ZRANB3: variants seen among roughly 807,000 people sequenced by gnomAD.
The protein encoded by ZRANB3 is zinc finger RANBP2-type containing 3.
In ZRANB3, 125 loss-of-function variants were observed where a neutral mutation model predicts 133.8. The observed-to-expected ratio is 0.93, with a 90% CI of 0.81 to 1.08. The LOEUF is 1.08. ZRANB3 is among the 50% of genes least tolerant of loss of function. The pLI is 0.00. For synonymous variants in ZRANB3, 387 were observed against 432.7 expected (o/e 0.89, Z 1.31); for missense variants, 1,229 against 1,275.5 (o/e 0.96, Z 0.56).
At chr2:135,402,101 A>G (rs1687759023) in intron 2 of ZRANB3, among the ~76,000 whole-genome samples, 1 of 151,878 alleles carries the variant, frequency 6.6e-6, no homozygotes, top group Non-Finnish European at 1.5e-5. Flanking sequence ...TGGTGTGTAC[A>G]TATTTAACAT....
chr2:135,413,299 C>T (rs1487279257), intron 2 of ZRANB3, among the ~76,000 whole-genome samples: 1 of 152,102 alleles, frequency 6.6e-6, no homozygotes, highest in East Asian at 1.9e-4. Context: ...CCCTCTCTTA[C>T]GTGTTATGTG....
intron 8 of ZRANB3, among the ~76,000 whole-genome samples, chr2:135,293,764 A>C (rs1048908752): frequency 8.7e-5 from 13 of 149,930 alleles, no homozygotes; most frequent in East Asian, 3.9e-4. Flanking sequence ...TTTTGAGATA[A>C]ATCCCATCAA....
chr2:135,489,775 G>A (rs1692294225), intron 2 of ZRANB3, among the ~76,000 whole-genome samples: 1 of 151,630 alleles, frequency 6.6e-6, no homozygotes, highest in South Asian at 2.1e-4. Context: ...AAAAAAAAGG[G>A]TTTTGGAGAA....
At chr2:135,367,743 T>G (rs1686002904) in intron 3 of ZRANB3, among the ~76,000 whole-genome samples, 1 of 152,154 alleles carries the variant, frequency 6.6e-6, no homozygotes, top group Non-Finnish European at 1.5e-5. Context: ...AATGTCACCA[T>G]GATCTCCAGG....
At chr2:135,383,966 T>C (rs1490709627) in intron 3 of ZRANB3, among the ~76,000 whole-genome samples, 1 of 152,078 alleles carries the variant, frequency 6.6e-6, no homozygotes, top group Non-Finnish European at 1.5e-5. Flanking sequence ...ATTCAAAAGC[T>C]AGCAGAAGGC....
intron 12 of ZRANB3, among the ~76,000 whole-genome samples, chr2:135,235,081 G>A (rs915419612): frequency 2.6e-5 from 4 of 151,830 alleles, no homozygotes; most frequent in African/African-American, 7.3e-5. Context: ...TCAAATAGAC[G>A]CAATAAAAAA....
intron 2 of ZRANB3, among the ~76,000 whole-genome samples, chr2:135,489,366 A>T (rs1319252825): frequency 6.7e-6 from 1 of 150,160 alleles, no homozygotes; most frequent in East Asian, 2.0e-4. Context: ...CTAAATGATG[A>T]GTTAATGGGT....
intron 2 of ZRANB3, among the ~76,000 whole-genome samples, chr2:135,416,029 T>G (rs1688556315): frequency 6.6e-6 from 1 of 151,972 alleles, no homozygotes; most frequent in Non-Finnish European, 1.5e-5. Context: ...CTGGAAGCAT[T>G]CCCTTTGAAA....
chr2:135,520,554 AGGCATCTGCCACCACACCT>A lies in ZRANB3; in HGVS notation c.-8+10554_-8+10572del, dbSNP rs1224361794. 1.0e-3 allele frequency among the ~76,000 whole-genome samples: 159 copies of A among 151,872 alleles called. 2 individuals are homozygous for A. The highest frequency in any genetic ancestry group is 0.01 in the Admixed American group (157 of 15,262). On this transcript the variant is annotated intron_variant, in intron 1 of 20. Coordinates refer to ENST00000264159, the MANE Select transcript of ZRANB3 (RefSeq NM_032143.4). The stretch of plus-strand genomic sequence containing the variant: ...CAGCCTCTCAAACAGCTTGGACTAC[AGGCATCTGCCACCACACCT>A]GGCTAATTGTTTTTTTGTTTGTTTT...
chr2:135,328,049 T>A (rs1156515476), intron 6 of ZRANB3, among the ~76,000 whole-genome samples: 1 of 152,068 alleles, frequency 6.6e-6, no homozygotes, highest in African/African-American at 2.4e-5. Context: ...TAATTTTTTT[T>A]TTTAGTTAAA....
chr2:135,523,726 C>T (rs1694037420), intron 1 of ZRANB3, among the ~76,000 whole-genome samples: 2 of 152,138 alleles, frequency 1.3e-5, no homozygotes, highest in Admixed American at 6.5e-5. Context: ...AAGTAAATGA[C>T]ACAACAAAGA....
At chr2:135,430,229 A>G (rs1400855607) in intron 2 of ZRANB3, among the ~76,000 whole-genome samples, 1 of 152,048 alleles carries the variant, frequency 6.6e-6, no homozygotes, top group Non-Finnish European at 1.5e-5. Context: ...AAGTTAAATA[A>G]ATGCAAGGGT....
At chr2:135,504,232 G>T in intron 2 of ZRANB3, 97 bp downstream of exon 2, 1 of 1,403,810 alleles carries the variant, frequency 7.1e-7, no homozygotes, top group Non-Finnish European at 1.0e-6. Flanking sequence ...ACTAAAGAAA[G>T]ACTGTGAATA....
At chr2:135,229,272 C>T (rs1368129675) in intron 13 of ZRANB3, among the ~76,000 whole-genome samples, 1 of 151,674 alleles carries the variant, frequency 6.6e-6, no homozygotes, top group African/African-American at 2.4e-5. Flanking sequence ...CATTTTCCTT[C>T]AAATCAAAAT....
intron 2 of ZRANB3, among the ~76,000 whole-genome samples, chr2:135,459,627 C>T (rs144799127): frequency 6.6e-6 from 1 of 152,084 alleles, no homozygotes; most frequent in East Asian, 1.9e-4. Context: ...ACATAAAGGT[C>T]TAAAAAAGTA....
intron 2 of ZRANB3, among the ~76,000 whole-genome samples, chr2:135,490,661 G>A (rs1325294612): frequency 2.6e-5 from 4 of 152,098 alleles, no homozygotes; most frequent in Non-Finnish European, 4.4e-5. Context: ...TCCAAAAGAA[G>A]AGAAATCAAG....
At chr2:135,477,446 A>T (rs1691554126) in intron 2 of ZRANB3, among the ~76,000 whole-genome samples, 1 of 152,214 alleles carries the variant, frequency 6.6e-6, no homozygotes, top group African/African-American at 2.4e-5. Context: ...TGGTAGAGGA[A>T]GGTCTGGTAG....
intron 2 of ZRANB3, among the ~76,000 whole-genome samples, chr2:135,478,246 T>C (rs1319520427): frequency 1.3e-5 from 2 of 152,194 alleles, no homozygotes; most frequent in East Asian, 3.9e-4. Context: ...ATAGTTTTGG[T>C]AAACTTGTTA....
chr2:135,511,634 C>T, intron 1 of ZRANB3: 1 of 781,412 alleles, frequency 1.3e-6, no homozygotes, highest in Non-Finnish European at 2.4e-6. Context: ...CTCCTCAAAG[C>T]CTGGTTGTTG....
Sources: gnomAD v4.1 joint callset for allele counts (sites outside exome capture counted in the v4.1 genomes callset) on GRCh38, gnomAD v4.1.1 for gene constraint, MANE v1.5 for transcripts, NCBI Gene and HGNC (gene_info 2026-07-23, HGNC 2026-07-21) for gene names.